CCT3: variants seen among roughly 807,000 people sequenced by gnomAD.
The protein encoded by CCT3 is chaperonin containing TCP1 subunit 3.
Under a neutral mutation model 65.3 loss-of-function variants are expected in CCT3, and 10 were observed. The observed-to-expected ratio is 0.15, with a 90% CI of 0.09 to 0.26. The LOEUF is 0.26. Ranked by LOEUF, CCT3 falls within the 10% of genes least tolerant of loss-of-function variation. The pLI is 1.00. For missense variants in CCT3, 626 were observed against 708.7 expected (o/e 0.88, Z 1.33); for synonymous variants, 225 against 242.3 (o/e 0.93, Z 0.66).
intron 6 of CCT3, among the ~76,000 whole-genome samples, chr1:156,324,720 C>G (rs1279135059): frequency 6.6e-6 from 1 of 152,062 alleles, no homozygotes; most frequent in Non-Finnish European, 1.5e-5. Context: ...CTCTGACTCC[C>G]TGGTTCAGGC....
chr1:156,322,106 G>C (rs1455576206), intron 6 of CCT3, among the ~76,000 whole-genome samples: 1 of 152,164 alleles, frequency 6.6e-6, no homozygotes, highest in Admixed American at 6.6e-5. Context: ...GCAGGGCGTG[G>C]TGGACATACC....
intron 11 of CCT3, 68 bp downstream of exon 11, chr1:156,311,973 C>T (rs1379532948): frequency 1.6e-6 from 2 of 1,285,592 alleles, no homozygotes; most frequent in African/African-American, 1.5e-5. Context: ...TTATTTTAGG[C>T]CCTTTGGGAA....
rs751616140 is a variant in CCT3, at chr1:156,333,661, T to C, written c.208-18A>G. ...ACTTGAATCTAAAAAGGTAGATCAC[T>C]AGTGAATTCACACTATTCAAAGACC... On this transcript the variant is annotated intron_variant, in intron 4 of 13. Transcript: ENST00000295688. 1.3e-6 allele frequency: 2 copies of C among 1,598,346 alleles called. No individual in the cohort carries two copies. The highest frequency in any genetic ancestry group is 8.6e-7 in the Non-Finnish European group (1 of 1,165,808).
chr1:156,320,777 A>G, intron 7 of CCT3, 62 bp downstream of exon 7: 2 of 1,166,252 alleles, frequency 1.7e-6, no homozygotes, highest in South Asian at 2.8e-5. Context: ...CTATTTCCTC[A>G]CAAGTGAGAT....
chr1:156,337,251 T>G, intron 1 of CCT3: 3 of 344,452 alleles, frequency 8.7e-6, no homozygotes, highest in Non-Finnish European at 1.1e-5. Context: ...CTACCAAAAA[T>G]ACAAAAATTA....
intron 10 of CCT3, among the ~76,000 whole-genome samples, chr1:156,315,881 A>C (rs1269505509): frequency 1.3e-5 from 2 of 152,228 alleles, no homozygotes; most frequent in Non-Finnish European, 2.9e-5. Flanking sequence ...TGCAAAAAAG[A>C]AAGATAAAAG....
chr1:156,329,864 G>C (rs534075120), intron 5 of CCT3, among the ~76,000 whole-genome samples: 1 of 151,738 alleles, frequency 6.6e-6, no homozygotes, highest in Non-Finnish European at 1.5e-5. Flanking sequence ...GCTGGAACCC[G>C]GGAGGCAGAG....
intron 5 of CCT3, among the ~76,000 whole-genome samples, chr1:156,327,766 G>A (rs2101660865): frequency 6.7e-6 from 1 of 149,774 alleles, no homozygotes; most frequent in Non-Finnish European, 1.5e-5. Context: ...GGGATGTGAG[G>A]AGCCCCTCTG....
In CCT3 at chr1:156,317,511, G is replaced by A; in HGVS notation, c.796C>T (p.Arg266Ter). ...TACTCTTCCTCCATCTGGAGAATTCGGGTGAAGTCCTCCTCTCGTGTAATC... is the reference window on the plus strand; with the variant it reads ...TACTCTTCCTCCATCTGGAGAATTCAGGTGAAGTCCTCCTCTCGTGTAATC... ...IEITREEDFT[R>*]ILQMEEEYIQ... is the part of the protein sequence containing the mutation. Residue 266 changes from arginine to a stop codon, truncating the protein, a stop_gained, in exon 9 of 14, where the codon CGA (arginine) becomes TGA (stop). Transcript: ENST00000295688. LOFTEE classifies it high-confidence loss of function. The A allele has an allele frequency of 6.2e-7, 1 of 1,613,750 alleles. No individual in the cohort carries two copies. Among genetic ancestry groups the A allele is most frequent in the Non-Finnish European group, 8.5e-7 (1 of 1,179,728 alleles).
At chr1:156,320,642 G>A (rs1282771046) in intron 7 of CCT3, among the ~76,000 whole-genome samples, 197 bp downstream of exon 7, 1 of 151,936 alleles carries the variant, frequency 6.6e-6, no homozygotes, top group Non-Finnish European at 1.5e-5. Flanking sequence ...GCAAATCAGA[G>A]GATTTGCTTG....
chr1:156,315,014 T>G (rs140671752), intron 10 of CCT3, among the ~76,000 whole-genome samples: 1 of 152,164 alleles, frequency 6.6e-6, no homozygotes, highest in East Asian at 1.9e-4. Flanking sequence ...CAAATCACGA[T>G]GTATTTCCAT....
chr1:156,313,270 C>G (rs1664157392), intron 10 of CCT3, among the ~76,000 whole-genome samples: 2 of 144,822 alleles, frequency 1.4e-5, no homozygotes, highest in South Asian at 2.1e-4. Flanking sequence ...ACCCAGGAAG[C>G]AGAGGTTGCA....
chr1:156,336,063 C>CA (rs1336390583), intron 1 of CCT3, 175 bp from the exon 2 acceptor site: 1 of 493,040 alleles, frequency 2.0e-6, no homozygotes, highest in Non-Finnish European at 3.6e-6. Flanking sequence ...AACCATATCT[C>CA]AAAAAACTGT....
In CCT3 at chr1:156,312,213, C is replaced by A. The variant is rs759725051; in HGVS notation, c.983G>T (p.Gly328Val). 1.2e-6 allele frequency: 2 copies of A among 1,613,954 alleles called. No individual in the cohort carries two copies. The highest frequency in any genetic ancestry group is 1.7e-6 in the Non-Finnish European group (2 of 1,179,934). Residue 328 changes from glycine (G) to valine (V), a missense_variant, in exon 11 of 14, where the codon GGG becomes GTG. Physicochemically the swap from Gly to Val is moderately radical, Grantham distance 109. Transcript: ENST00000295688. ...CTCTGGTCGGCTGACTATCCGGGCCCCACAGGCTCTAATGGACGGAAGAGG... is the reference window on the plus strand; with the variant it reads ...CTCTGGTCGGCTGACTATCCGGGCCACACAGGCTCTAATGGACGGAAGAGG... ...TDNNRIARAC[G>V]ARIVSRPEEL...
intron 1 of CCT3, chr1:156,337,872 C>T: frequency 2.0e-6 from 1 of 496,380 alleles, no homozygotes; most frequent in Non-Finnish European, 3.6e-6. Context: ...GCGGGGGAAG[C>T]GTGGGGGCTG....
intron 5 of CCT3, 56 bp from the exon 6 acceptor site, chr1:156,325,145 G>A: frequency 2.4e-6 from 3 of 1,237,626 alleles, no homozygotes; most frequent in Non-Finnish European, 3.5e-6. Context: ...ATCAAGGCAA[G>A]TAACTTAATT....
intron 5 of CCT3, chr1:156,333,077 C>T (rs1375366110): frequency 2.1e-5 from 4 of 186,214 alleles, no homozygotes; most frequent in African/African-American, 7.2e-5. Context: ...GGGCGGATCA[C>T]GAGGTTAAGA....
intron 7 of CCT3, among the ~76,000 whole-genome samples, chr1:156,320,040 T>C (rs1664485754): frequency 6.6e-6 from 1 of 152,102 alleles, no homozygotes; most frequent in Admixed American, 6.6e-5. Flanking sequence ...TTTGAAGAAA[T>C]TCCTACTTGG....
At chr1:156,310,523 T>C (rs772032511) in intron 13 of CCT3, 35 bp downstream of exon 13, 1 of 1,471,374 alleles carries the variant, frequency 6.8e-7, no homozygotes, top group Non-Finnish European at 9.1e-7. Flanking sequence ...AATAAATTAA[T>C]TAAAACAGCG....
Sources: gnomAD v4.1 joint callset for allele counts (sites outside exome capture counted in the v4.1 genomes callset) on GRCh38, gnomAD v4.1.1 for gene constraint, MANE v1.5 for transcripts, NCBI Gene and HGNC (gene_info 2026-07-23, HGNC 2026-07-21) for gene names.